The following SF3B3 variants were observed in gnomAD, a reference collection of about 807,000 sequenced individuals.
SF3B3 encodes SAP 130.
In SF3B3, 33 loss-of-function variants were observed where a neutral mutation model predicts 139.2. That is an observed-to-expected ratio of 0.24 (90% CI 0.18 to 0.32). The LOEUF is 0.32. Ranked by LOEUF, SF3B3 falls within the 10% of genes least tolerant of loss-of-function variation. The probability of loss-of-function intolerance (pLI) is 1.00; values close to 1 mark genes in which losing one functional copy is unlikely to be tolerated. For missense variants in SF3B3, 818 were observed against 1,509.4 expected (o/e 0.54, Z 7.59); for synonymous variants, 596 against 563.6 (o/e 1.06, Z -0.81).
intron 6 of SF3B3, among the ~76,000 whole-genome samples, chr16:70,536,476 T>C (rs1009653760): frequency 1.3e-5 from 2 of 152,038 alleles, no homozygotes; most frequent in Admixed American, 6.6e-5. Flanking sequence ...CCATTTCTCC[T>C]GCCTCAGCCT....
intron 4 of SF3B3, among the ~76,000 whole-genome samples, 189 bp from the exon 5 acceptor site, chr16:70,532,290 C>CAA (rs756782974): frequency 1.1e-5 from 1 of 91,296 alleles, no homozygotes. Flanking sequence ...AACTCCGTCT[C>CAA]AAAAAAAAAA....
intron 11 of SF3B3, among the ~76,000 whole-genome samples, chr16:70,552,778 T>C (rs780332207): frequency 5.3e-5 from 8 of 152,232 alleles, no homozygotes; most frequent in Non-Finnish European, 8.8e-5. Flanking sequence ...AAAACAGTAA[T>C]TATCCTACTA....
intron 17 of SF3B3, among the ~76,000 whole-genome samples, chr16:70,562,135 T>A (rs1308054832): frequency 6.6e-6 from 1 of 152,224 alleles, no homozygotes; most frequent in Non-Finnish European, 1.5e-5. Flanking sequence ...GTCTTGTCAT[T>A]TGCGGTATTA....
rs548429934 is a variant in SF3B3, at chr16:70,532,286, GTC to G, written c.571-190_571-189del. 1.5e-3 allele frequency among the ~76,000 whole-genome samples: 186 copies of G among 125,108 alleles called. 1 individual carries two copies. Among genetic ancestry groups the G allele is most frequent in the Non-Finnish European group, 1.7e-4 (11 of 63,942 alleles). 82.1% of individuals were successfully genotyped at this position (125,108 alleles called of 152,430 possible). A position where few individuals can be genotyped will look rare whatever the true frequency, so the allele number is the denominator to read the frequency against. On this transcript the variant is annotated intron_variant, in intron 4 of 25. Transcript: ENST00000302516. ...CAGCCTGGGCAACGAGCAAAACTCC[GTC>G]TCAAAAAAAAAAAAAGATCATACCT... is the stretch of plus-strand genomic sequence containing the variant.
chr16:70,565,636 C>T (rs1261874792), intron 20 of SF3B3, 112 bp downstream of exon 20: 3 of 948,288 alleles, frequency 3.2e-6, no homozygotes, highest in Non-Finnish European at 4.7e-6. Flanking sequence ...TCCAATCTCT[C>T]TCTTACCAGC....
Position 70,558,600 on chromosome 16 carries a change from A to G in SF3B3, c.2010+1571A>G, listed in dbSNP as rs546190538. Among the ~76,000 whole-genome samples, 10 of 152,258 alleles carry G rather than the reference A, an allele frequency of 6.6e-5. No individual in the cohort carries two copies. The South Asian group carries it at 2.1e-3, about 32-fold the overall frequency. On this transcript the variant is annotated intron_variant, in intron 15 of 25. Coordinates refer to ENST00000302516, the MANE Select transcript of SF3B3 (RefSeq NM_012426.5). ...AAAATTTTATTTGTCTTTATTTAAA[A>G]AAAATTTCTTCCTTGACACAGAGTC...
intron 8 of SF3B3, 97 bp downstream of exon 8, chr16:70,539,304 T>C (rs1445130233): frequency 1.2e-5 from 10 of 865,798 alleles, no homozygotes; most frequent in Middle Eastern, 2.2e-4. Context: ...TCCTAGCACT[T>C]TGGGAGGCTG....
chr16:70,556,377 T>G (rs1182447143), intron 14 of SF3B3, 43 bp downstream of exon 14: 1 of 1,606,254 alleles, frequency 6.2e-7, no homozygotes, highest in Non-Finnish European at 8.5e-7. Context: ...GGTTGGAACC[T>G]GAGCATCTGG....
At chr16:70,554,412 C>A (rs1482419772) in intron 11 of SF3B3, 34 bp from the exon 12 acceptor site, 5 of 1,609,028 alleles carry the variant, frequency 3.1e-6, no homozygotes, top group South Asian at 1.1e-5. Flanking sequence ...CTAATGAGTT[C>A]TTATCTAACC....
At chr16:70,537,963 A>C (rs760727896) in intron 6 of SF3B3, 1 of 514,562 alleles carries the variant, frequency 1.9e-6, no homozygotes, top group South Asian at 1.4e-5. Context: ...GGAATCAGGC[A>C]TTTGATGTAG....
At chr16:70,564,967 A>G (rs769700496) in intron 18 of SF3B3, 98 bp from the exon 19 acceptor site, 19 of 1,112,108 alleles carry the variant, frequency 1.7e-5, no homozygotes, top group Non-Finnish European at 2.6e-5. Context: ...TGCTTTATGT[A>G]TTGAGAACCC....
intron 4 of SF3B3, 63 bp from the exon 5 acceptor site, chr16:70,532,416 A>C (rs56313425): frequency 2.1e-6 from 3 of 1,446,104 alleles, no homozygotes; most frequent in African/African-American, 1.5e-5. Flanking sequence ...TGGAGTCCTG[A>C]TGTCCTTTCC....
Position 70,564,065 on chromosome 16 carries a change from G to A in SF3B3, c.2463+15G>A, listed in dbSNP as rs748630759. 1.9e-6 allele frequency: 3 copies of A among 1,609,614 alleles called. No individual in the cohort carries two copies. The highest frequency in any genetic ancestry group is 1.7e-5 in the Admixed American group (1 of 59,240). ...AGATGGCAGAGGTAATGAGACTAAC[G>A]TTCAGGGGTTCTATTAAAAGATGTG... On this transcript the variant is annotated intron_variant, in intron 18 of 25. Transcript: ENST00000302516.
intron 20 of SF3B3, among the ~76,000 whole-genome samples, chr16:70,566,510 C>T (rs954143387): frequency 5.9e-5 from 9 of 151,862 alleles, no homozygotes; most frequent in South Asian, 2.1e-4. Flanking sequence ...TGCAGTGAGC[C>T]GAGATTGCGC....
At position 70,554,428 on chromosome 16, in the gene SF3B3, CCTT is replaced by C. The variant is rs2050360799; in HGVS notation, c.1403-14_1403-12del. ...TAATGAGTTCTTATCTAACCAACTCCCTTCTTTTCTTTTTCAGATGAGTTTGAT... is the reference window on the plus strand; with the variant it reads ...TAATGAGTTCTTATCTAACCAACTCCCTTTTCTTTTTCAGATGAGTTTGAT... On this transcript the variant is annotated splice_polypyrimidine_tract_variant and intron_variant, in intron 11 of 25. Coordinates refer to ENST00000302516, the MANE Select transcript of SF3B3 (RefSeq NM_012426.5). 1 of 1,613,070 alleles carries C rather than the reference CCTT, an allele frequency of 6.2e-7. No individual in the cohort carries two copies. The highest frequency in any genetic ancestry group is 1.1e-5 in the South Asian group (1 of 90,972).
intron 5 of SF3B3, among the ~76,000 whole-genome samples, chr16:70,534,481 G>T (rs986612469): frequency 6.6e-6 from 1 of 152,092 alleles, no homozygotes; most frequent in African/African-American, 2.4e-5. Context: ...AGAGATACTG[G>T]TAGCTGCTAA....
chr16:70,535,198 C>T lies in SF3B3; in HGVS notation c.713-110C>T, dbSNP rs1358559365. On this transcript the variant is annotated intron_variant, in intron 5 of 25. Coordinates refer to ENST00000302516, the MANE Select transcript of SF3B3 (RefSeq NM_012426.5). ...GAGAAACACATGAAATGTTTCTTAG[C>T]ATCAGGCACATTACCATCATCAAGT... 3 of 562,156 alleles carry T rather than the reference C, an allele frequency of 5.3e-6. No individual in the cohort carries two copies. In the South Asian group the frequency reaches 8.7e-5, roughly 16 times the overall value. The allele number at this position is 562,156 out of a possible 1,614,324, so 34.8% of individuals were successfully genotyped here. A position where few individuals can be genotyped will look rare whatever the true frequency, so the allele number is the denominator to read the frequency against.
At chr16:70,553,680 G>A (rs931720391) in intron 11 of SF3B3, among the ~76,000 whole-genome samples, 1 of 128,692 alleles carries the variant, frequency 7.8e-6, no homozygotes, top group Non-Finnish European at 1.6e-5. Flanking sequence ...TGGCCTTTAT[G>A]GGATCTGTAG....
intron 6 of SF3B3, among the ~76,000 whole-genome samples, chr16:70,536,501 A>G (rs1358705320): frequency 2.0e-5 from 3 of 151,240 alleles, no homozygotes; most frequent in Non-Finnish European, 2.9e-5. Flanking sequence ...GGTAGCTGGG[A>G]CTACAGGCGC....
Sources: gnomAD v4.1 joint callset for allele counts (sites outside exome capture counted in the v4.1 genomes callset) on GRCh38, gnomAD v4.1.1 for gene constraint, MANE v1.5 for transcripts, NCBI Gene and HGNC (gene_info 2026-07-23, HGNC 2026-07-21) for gene names.